PLCH2: variants seen among roughly 807,000 people sequenced by gnomAD.
The protein encoded by PLCH2 is phospholipase C eta 2, also known as 1-phosphatidylinositol 4,5-bisphosphate phosphodiesterase eta-2.
In PLCH2, 98 loss-of-function variants were observed where a neutral mutation model predicts 134.7. That is an observed-to-expected ratio of 0.73 (90% CI 0.62 to 0.86). PLCH2 has a LOEUF of 0.86. PLCH2 is among the 40% of genes least tolerant of loss of function. PLCH2 has a pLI of 0.00. For missense variants in PLCH2, 1,994 were observed against 1,986.6 expected (o/e 1.00, Z -0.07); for synonymous variants, 974 against 827.5 (o/e 1.18, Z -3.04).
Position 2,444,057 on chromosome 1 carries a change from G to C in PLCH2, c.115+13428G>C, listed in dbSNP as rs1040458854. On this transcript the variant is annotated intron_variant, in intron 2 of 3. Transcript: ENST00000609981. The surrounding 1 kb of genome is among the most constrained non-coding windows in gnomAD (Gnocchi z 4.6). ...GGGCGCCGCAGCCCTGGTGCGGGTCGGGGCTGAGCCGCCTGGGCTTCAGAC... is the reference window on the plus strand; with the variant it reads ...GGGCGCCGCAGCCCTGGTGCGGGTCCGGGCTGAGCCGCCTGGGCTTCAGAC... 1.3e-5 allele frequency among the ~76,000 whole-genome samples: 2 copies of C among 152,164 alleles called. No homozygotes were observed. The highest frequency in any genetic ancestry group is 2.9e-5 in the Non-Finnish European group (2 of 68,020).
intron 2 of PLCH2, among the ~76,000 whole-genome samples, chr1:2,461,518 C>T (rs1640800214): frequency 6.6e-6 from 1 of 152,154 alleles, no homozygotes; most frequent in Admixed American, 6.5e-5. Flanking sequence ...AGGGCAGAGC[C>T]TTCCCGAAGC....
exon 1 of PLCH2, chr1:2,467,610 C>G: frequency 2.4e-6 from 1 of 411,658 alleles, no homozygotes; most frequent in Non-Finnish European, 4.3e-6. Context: ...GGGATTGGCA[C>G]CCGCCGGCCA....
upstream of PLCH2, among the ~76,000 whole-genome samples, chr1:2,475,612 G>T (rs749194627): frequency 8.7e-4 from 133 of 152,300 alleles, no homozygotes; most frequent in East Asian, 5.8e-4. Context: ...CTCCTTGGGC[G>T]AGGCCCCTGT....
Position 2,502,259 on chromosome 1 carries a change from C to T in PLCH2, c.2809C>T (p.Gln937Ter), listed in dbSNP as rs779702121. 1 of 1,541,550 alleles carries T rather than the reference C, an allele frequency of 6.5e-7. No homozygotes were observed. Among genetic ancestry groups the T allele is most frequent in the South Asian group, 1.2e-5 (1 of 83,688 alleles). ...CACGGCCAGCGCCCCGACCAAGAGC[C>T]AGAAGCCGGGCCGCAGGGGCTTCCC... ...RRTASAPTKS[Q>*]KPGRRGFPEL... The change falls in exon 21 of 22, where the codon CAG becomes TAG. Residue 937 changes from glutamine (Q) to a stop codon, truncating the protein, a stop_gained. Transcript: ENST00000378486. LOFTEE classifies it high-confidence loss of function.
upstream of PLCH2, among the ~76,000 whole-genome samples, chr1:2,473,960 G>A (rs576113345): frequency 1.0e-4 from 16 of 152,382 alleles, no homozygotes; most frequent in Middle Eastern, 3.4e-3. Flanking sequence ...GGGCCGAGGC[G>A]GCCTGGGGGT....
rs750749174 is a variant in PLCH2, at chr1:2,496,651, C to A, written c.1880C>A (p.Ser627Tyr). ...ACCATGAAGCTGTCCCGGGCCCTCT[C>A]TGACCTGGTGAAGTACACCAAGTCC... Reference protein sequence around the residue: ...KKTMKLSRALSDLVKYTKSVA... With the variant: ...KKTMKLSRALYDLVKYTKSVA... Residue 627 changes from serine (S) to tyrosine (Y), a missense_variant, in exon 14 of 22, where the codon TCT becomes TAT. Physicochemically the swap from Ser to Tyr is moderately radical, Grantham distance 144. Transcript: ENST00000378486. 6.2e-7 allele frequency: 1 copy of A among 1,612,278 alleles called. No homozygotes were observed. Among genetic ancestry groups the A allele is most frequent in the Non-Finnish European group, 8.5e-7 (1 of 1,179,536 alleles).
chr1:2,446,317 A>AC (rs1050924409), intron 2 of PLCH2, among the ~76,000 whole-genome samples: 2 of 151,858 alleles, frequency 1.3e-5, no homozygotes, highest in African/African-American at 2.4e-5. Context: ...ATTGCCACTC[A>AC]CCCCCCTATT....
At chr1:2,447,783 C>T (rs754183183) in intron 2 of PLCH2, among the ~76,000 whole-genome samples, 10 of 152,196 alleles carry the variant, frequency 6.6e-5, no homozygotes, top group Non-Finnish European at 1.0e-4. Context: ...CTCTCTGAGT[C>T]TTTGGGGTCT....
chr1:2,502,611 AG>A, intron 21 of PLCH2: 1 of 697,452 alleles, frequency 1.4e-6, no homozygotes, highest in Non-Finnish European at 2.6e-6. Flanking sequence ...GCCATTCGCC[AG>A]CAGCCCCGGG....
At chr1:2,474,374 C>T (rs1315928050), upstream of PLCH2, among the ~76,000 whole-genome samples, 7 of 141,798 alleles carry the variant, frequency 4.9e-5, no homozygotes, top group Admixed American at 4.2e-4. Context: ...GGGCAGCCCC[C>T]GGCAGAGGCC....
At chr1:2,436,952 G>C (rs898586617) in intron 2 of PLCH2, among the ~76,000 whole-genome samples, 1 of 152,230 alleles carries the variant, frequency 6.6e-6, no homozygotes, top group Non-Finnish European at 1.5e-5. Context: ...TCTGGGGCCA[G>C]GGTGCACCTT....
chr1:2,455,340 G>A (rs571992345), intron 2 of PLCH2, among the ~76,000 whole-genome samples: 3 of 152,268 alleles, frequency 2.0e-5, no homozygotes, highest in East Asian at 1.9e-4. Flanking sequence ...CCAAGGTGTC[G>A]GGGCAGGAGG....
At position 2,483,257 on chromosome 1, in the gene PLCH2, G is replaced by A. The variant is rs899462849; in HGVS notation, c.646-1191G>A. 5.3e-5 allele frequency among the ~76,000 whole-genome samples: 8 copies of A among 152,274 alleles called. No homozygotes were observed. In the South Asian group the frequency reaches 8.3e-4, roughly 16 times the overall value. On this transcript the variant is annotated intron_variant, in intron 4 of 21. Transcript: ENST00000378486. The stretch of plus-strand genomic sequence containing the variant: ...GTGGCCAGGCCTGGGGTGAGCAGGC[G>A]CAGGGCGGAACCCTGCCTTCAAGGC...
chr1:2,477,371 C>T (rs1042563729), intron 1 of PLCH2, among the ~76,000 whole-genome samples: 7 of 152,214 alleles, frequency 4.6e-5, no homozygotes, highest in Admixed American at 2.6e-4. Flanking sequence ...CCATGGCTTC[C>T]ATCCCTTCAA....
chr1:2,492,311 C>G (rs1254290535), intron 11 of PLCH2: 2 of 152,252 alleles, frequency 1.3e-5, no homozygotes, highest in Non-Finnish European at 2.9e-5. Flanking sequence ...GCAGGTGGCT[C>G]TTGCAGGGCC....
At chr1:2,487,064 C>A in intron 6 of PLCH2, 64 bp downstream of exon 6, 1 of 1,513,878 alleles carries the variant, frequency 6.6e-7, no homozygotes, top group Non-Finnish European at 9.0e-7. Flanking sequence ...GAGGGCCCAA[C>A]CTGTGGGCCG....
At position 2,497,532 on chromosome 1, in the gene PLCH2, T is replaced by C; in HGVS notation, c.2147T>C (p.Met716Thr). 1 of 1,559,426 alleles carries C rather than the reference T, an allele frequency of 6.4e-7. No homozygotes were observed. Among genetic ancestry groups the C allele is most frequent in the Non-Finnish European group, 8.7e-7 (1 of 1,152,106 alleles). The change falls in exon 16 of 22, where the codon ATG (methionine) becomes ACG (threonine). Residue 716 changes from methionine (M) to threonine (T), a missense_variant. This residue lies in a region of PLCH2 where 1,094 missense variants were observed against 1,234.3 expected (regional missense o/e 0.89). Transcript: ENST00000378486. ...CTGAACTACCAGTCAGAGGGGCGGA[T>C]GCTGCAGCTGAACCGAGCCAAGTTC... ...VALNYQSEGR[M>T]LQLNRAKFSA... is the part of the protein sequence containing the mutation.
chr1:2,489,429 T>C, intron 9 of PLCH2, 51 bp downstream of exon 9: 2 of 1,575,510 alleles, frequency 1.3e-6, no homozygotes, highest in African/African-American at 1.3e-5. Flanking sequence ...GTCTCGGGCC[T>C]GCAGCAGTGC....
chr1:2,504,914 CCCA>C lies in PLCH2; in HGVS notation c.3956_3958del (p.Thr1319del). 1 of 1,578,630 alleles carries C rather than the reference CCCA, an allele frequency of 6.3e-7. No homozygotes were observed. Among genetic ancestry groups the C allele is most frequent in the Non-Finnish European group, 8.6e-7 (1 of 1,161,648 alleles). On this transcript the variant is annotated inframe_deletion, in exon 22 of 22. Transcript: ENST00000378486. ...CCAGCAGGCAGGAGACATCACGTCA[CCCA>C]CCAGCCTGGGCCCGGCTGGGGAGGG...
Sources: allele counts gnomAD v4.1 joint callset (sites outside exome capture counted in the v4.1 genomes callset), GRCh38; gene constraint gnomAD v4.1.1; regional missense constraint gnomAD v4.1.1; non-coding constraint Gnocchi (gnomAD v3.1); transcripts MANE v1.5; gene names NCBI Gene and HGNC (gene_info 2026-07-23, HGNC 2026-07-21).